WDHD1: variants seen among roughly 807,000 people sequenced by gnomAD.
WDHD1 encodes WD repeat and HMG-box DNA binding protein 1.
In WDHD1, 111 loss-of-function variants were observed where a neutral mutation model predicts 135.4. That is an observed-to-expected ratio of 0.82 (90% confidence interval 0.70 to 0.96). The LOEUF (loss-of-function observed/expected upper bound fraction) is 0.96, where lower values mean the gene tolerates loss of function less well. Ranked by LOEUF, WDHD1 falls within the 40% of genes least tolerant of loss-of-function variation. The pLI is 0.00. For synonymous variants in WDHD1, 434 were observed against 439.0 expected (o/e 0.99, Z 0.14); for missense variants, 1,351 against 1,336.3 (o/e 1.01, Z -0.17).
intron 14 of WDHD1, among the ~76,000 whole-genome samples, chr14:54,986,497 C>A (rs1357509170): frequency 6.6e-6 from 1 of 152,076 alleles, no homozygotes; most frequent in African/African-American, 2.4e-5. Flanking sequence ...ATCTATGAAT[C>A]TATTTCTTAC....
chr14:55,019,515 A>G (rs1010285640), intron 2 of WDHD1, among the ~76,000 whole-genome samples: 2 of 152,122 alleles, frequency 1.3e-5, no homozygotes, highest in Non-Finnish European at 1.5e-5. Context: ...TTGTTCTACT[A>G]GGTTCTACCC....
intron 16 of WDHD1, among the ~76,000 whole-genome samples, chr14:54,973,830 A>AG (rs1378318688): frequency 3.9e-5 from 6 of 152,126 alleles, no homozygotes; most frequent in African/African-American, 1.2e-4. Flanking sequence ...ATTATCACAA[A>AG]GAAAAAGGAA....
intron 16 of WDHD1, among the ~76,000 whole-genome samples, chr14:54,973,010 T>G (rs2041466692): frequency 6.6e-6 from 1 of 150,812 alleles, no homozygotes; most frequent in Admixed American, 6.6e-5. Flanking sequence ...GCTGATTTAT[T>G]AAAAAGCATT....
At chr14:54,954,728 T>A (rs2041123674) in intron 24 of WDHD1, among the ~76,000 whole-genome samples, 1 of 152,210 alleles carries the variant, frequency 6.6e-6, no homozygotes, top group African/African-American at 2.4e-5. Flanking sequence ...GAAGTTCTTT[T>A]TGTTTTTTTG....
At chr14:54,988,741 A>G (rs1284839816) in intron 13 of WDHD1, among the ~76,000 whole-genome samples, 1 of 151,322 alleles carries the variant, frequency 6.6e-6, no homozygotes, top group African/African-American at 2.4e-5. Flanking sequence ...AATAGTAAAA[A>G]AAAAAAAAAG....
In WDHD1 at chr14:55,002,197, G is replaced by T; in HGVS notation, c.601-12C>A. The stretch of plus-strand genomic sequence containing the variant: ...GGAATTGCCAGTAACTATTAGAAAA[G>T]ATAAACAACGTAAACAAAAGTTTAC... On this transcript the variant is annotated splice_polypyrimidine_tract_variant and intron_variant, in intron 7 of 25. Coordinates refer to ENST00000360586, the MANE Select transcript of WDHD1 (RefSeq NM_007086.4). 1 of 1,533,202 alleles carries T rather than the reference G, an allele frequency of 6.5e-7. No individual in the cohort carries two copies. Among genetic ancestry groups the T allele is most frequent in the Non-Finnish European group, 8.8e-7 (1 of 1,130,312 alleles). 95.0% of individuals were successfully genotyped at this position (1,533,202 alleles called of 1,614,324 possible).
chr14:55,012,104 C>A (rs1199106858), intron 3 of WDHD1, among the ~76,000 whole-genome samples: 2 of 152,046 alleles, frequency 1.3e-5, no homozygotes, highest in Non-Finnish European at 2.9e-5. Context: ...TCATCCTTGC[C>A]AATCTTATGG....
chr14:54,943,996 ACATATC>A (rs2040878835), intron 25 of WDHD1, among the ~76,000 whole-genome samples: 1 of 152,142 alleles, frequency 6.6e-6, no homozygotes, highest in South Asian at 2.1e-4. Flanking sequence ...AATAATTACT[ACATATC>A]CATATTACCA....
chr14:55,016,518 T>C (rs1046282273), intron 2 of WDHD1, among the ~76,000 whole-genome samples: 2 of 152,198 alleles, frequency 1.3e-5, no homozygotes, highest in African/African-American at 2.4e-5. Context: ...GTAGTTATCT[T>C]GAGAAGGCTG....
intron 16 of WDHD1, among the ~76,000 whole-genome samples, chr14:54,969,328 A>C (rs1327936316): frequency 7.0e-6 from 1 of 142,854 alleles, no homozygotes; most frequent in Non-Finnish European, 1.5e-5. Flanking sequence ...GCCCAGCATT[A>C]AGACTCCGTT....
chr14:55,000,712 A>G (rs2041966368), intron 9 of WDHD1, 68 bp from the exon 10 acceptor site: 2 of 1,310,672 alleles, frequency 1.5e-6, no homozygotes, highest in South Asian at 4.6e-5. Flanking sequence ...TTCTTTAGGT[A>G]AATTTTAGTT....
At chr14:54,965,379 ACTGGT>A (rs2041324425) in intron 18 of WDHD1, among the ~76,000 whole-genome samples, 1 of 152,250 alleles carries the variant, frequency 6.6e-6, no homozygotes, top group African/African-American at 2.4e-5. Context: ...AAACCTGGCC[ACTGGT>A]CACAAATAAA....
chr14:54,966,797 C>A (rs1017838801), intron 17 of WDHD1, among the ~76,000 whole-genome samples, 191 bp from the exon 18 acceptor site: 2 of 152,190 alleles, frequency 1.3e-5, no homozygotes, highest in Admixed American at 6.5e-5. Flanking sequence ...TTAAAAAAGG[C>A]AGCTGGGGAG....
rs1006732612 is a variant in WDHD1, at chr14:54,941,369, A to G, written c.*121T>C. The G allele has an allele frequency of 4.4e-5, 35 of 792,596 alleles. No homozygotes were observed. The African/African-American group carries it at 5.9e-4, about 13-fold the overall frequency. 49.1% of individuals were successfully genotyped at this position (792,596 alleles called of 1,614,324 possible). A position where few individuals can be genotyped will look rare whatever the true frequency, so the allele number is the denominator to read the frequency against. ...ATAATTACTACATTATCTTATAAAG[A>G]CAAACAGTTGCTTCAAACTCTTTAA... On this transcript the variant is annotated 3_prime_UTR_variant, in exon 26 of 26. Coordinates refer to ENST00000360586, the MANE Select transcript of WDHD1 (RefSeq NM_007086.4).
At chr14:54,976,470 T>G (rs934960314) in intron 16 of WDHD1, among the ~76,000 whole-genome samples, 4 of 152,214 alleles carry the variant, frequency 2.6e-5, no homozygotes, top group African/African-American at 9.6e-5. Context: ...GTGTTGGGAT[T>G]ACAGCTGTGA....
chr14:54,994,015 G>A (rs1036133820), intron 11 of WDHD1, among the ~76,000 whole-genome samples: 2 of 152,008 alleles, frequency 1.3e-5, no homozygotes, highest in African/African-American at 4.8e-5. Flanking sequence ...CTGCACATTG[G>A]CATTTTACTT....
At chr14:54,952,848 A>G (rs1435220879) in intron 24 of WDHD1, among the ~76,000 whole-genome samples, 1 of 152,218 alleles carries the variant, frequency 6.6e-6, no homozygotes, top group Non-Finnish European at 1.5e-5. Context: ...GATCTTTGAC[A>G]AACATGACAA....
chr14:54,983,847 AG>A (rs2041656652), intron 15 of WDHD1, among the ~76,000 whole-genome samples: 2 of 152,304 alleles, frequency 1.3e-5, no homozygotes, highest in South Asian at 4.1e-4. Flanking sequence ...AAAGAAAAAA[AG>A]GATGAAGTTA....
chr14:54,951,036 G>C (rs879995232), intron 24 of WDHD1, among the ~76,000 whole-genome samples: 1 of 152,058 alleles, frequency 6.6e-6, no homozygotes, highest in Non-Finnish European at 1.5e-5. Flanking sequence ...ATGCCCACAA[G>C]AGAAAGCAGA....
Sources: gnomAD v4.1 joint callset for allele counts (sites outside exome capture counted in the v4.1 genomes callset) on GRCh38, gnomAD v4.1.1 for gene constraint, MANE v1.5 for transcripts, NCBI Gene and HGNC (gene_info 2026-07-23, HGNC 2026-07-21) for gene names.